The following LARP4B variants were observed in gnomAD, a reference collection of about 807,000 sequenced individuals.
The protein encoded by LARP4B is La ribonucleoprotein 4B, also known as la-related protein 4B.
In LARP4B, 12 loss-of-function variants were observed where a neutral mutation model predicts 89.8. The observed-to-expected ratio is 0.13, with a 90% CI of 0.09 to 0.22. The LOEUF is 0.22. Among genes scored for constraint, LARP4B ranks in the 10% least tolerant of loss-of-function variants. The pLI is 1.00. For missense variants in LARP4B, 757 were observed against 947.7 expected, an observed-to-expected ratio of 0.80 and a Z score of 2.64; for synonymous variants, 367 against 363.3, an observed-to-expected ratio of 1.01 and a Z score of -0.12.
chr10:967,035 A>G, the LARP4B span, among the ~76,000 whole-genome samples: 1 of 152,224 alleles, frequency 6.6e-6, no homozygotes, highest in Non-Finnish European at 1.5e-5. Flanking sequence ...TTGGAAAGCC[A>G]CAAAGATCCT....
At chr10:864,302 C>G (rs1409932582) in intron 3 of LARP4B, 32 bp from the exon 4 acceptor site, 1 of 1,608,700 alleles carries the variant, frequency 6.2e-7, no homozygotes, top group East Asian at 2.2e-5. Context: ...ACATTTGTAT[C>G]CAAATGTCAA....
intron 1 of LARP4B, among the ~76,000 whole-genome samples, chr10:923,223 T>C (rs1171265004): frequency 1.3e-5 from 2 of 152,206 alleles, no homozygotes; most frequent in African/African-American, 2.4e-5. Flanking sequence ...CAAGAGACAA[T>C]GCTTTCATCC....
chr10:866,187 T>C (rs752320866), intron 3 of LARP4B, among the ~76,000 whole-genome samples: 4 of 152,180 alleles, frequency 2.6e-5, no homozygotes, highest in Non-Finnish European at 5.9e-5. Context: ...AATGAGTATC[T>C]ATCTGGAATT....
chr10:967,216 G>A, the LARP4B span, among the ~76,000 whole-genome samples: 1 of 152,220 alleles, frequency 6.6e-6, no homozygotes, highest in Non-Finnish European at 1.5e-5. Flanking sequence ...AGGACAAACG[G>A]AAAGCTATTC....
intron 5 of LARP4B, among the ~76,000 whole-genome samples, chr10:847,269 C>T (rs995014765): frequency 1.3e-5 from 2 of 152,060 alleles, no homozygotes; most frequent in African/African-American, 4.8e-5. Flanking sequence ...AAACACCCGG[C>T]ACTGCAGACA....
chr10:890,382 A>T (rs1188080871), intron 1 of LARP4B, among the ~76,000 whole-genome samples: 1 of 152,236 alleles, frequency 6.6e-6, no homozygotes, highest in Non-Finnish European at 1.5e-5. Flanking sequence ...TGAAATAAAT[A>T]CGGGATGTAT....
At chr10:862,096 T>C (rs1834641900) in intron 5 of LARP4B, among the ~76,000 whole-genome samples, 1 of 152,010 alleles carries the variant, frequency 6.6e-6, no homozygotes, top group East Asian at 1.9e-4. Flanking sequence ...CTTCCTCAGA[T>C]TTAGAAAACT....
At chr10:892,684 C>T (rs886870172) in intron 1 of LARP4B, among the ~76,000 whole-genome samples, 7 of 151,506 alleles carry the variant, frequency 4.6e-5, no homozygotes, top group Admixed American at 2.0e-4. Context: ...GGACTACAGG[C>T]GCCGGCCACC....
chr10:855,355 G>A (rs1834249579), intron 5 of LARP4B, among the ~76,000 whole-genome samples: 1 of 152,090 alleles, frequency 6.6e-6, no homozygotes, highest in East Asian at 1.9e-4. Flanking sequence ...ATCACTTCTA[G>A]TTTTTGATTA....
At chr10:859,879 A>G in intron 5 of LARP4B, among the ~76,000 whole-genome samples, 2 of 146,080 alleles carry the variant, frequency 1.4e-5, no homozygotes, top group African/African-American at 2.6e-5. Context: ...GGGGGGAGGG[A>G]GGGGTGAGTA....
At position 884,494 on chromosome 10, in the gene LARP4B, T is replaced by C; in HGVS notation, c.94A>G (p.Ile32Val). 9 of 1,602,068 alleles carry C rather than the reference T, an allele frequency of 5.6e-6. No homozygotes were observed. The highest frequency in any genetic ancestry group is 7.7e-6 in the Non-Finnish European group (9 of 1,169,274). ...CTTGTCTGAGAAGTGGTTTGAGATATAGGACCATTCATCTGTAAAATTGAA... is the reference window on the plus strand; with the variant it reads ...CTTGTCTGAGAAGTGGTTTGAGATACAGGACCATTCATCTGTAAAATTGAA... ...KDSAHLMNGP[I>V]SQTTSQTSSI... The change falls in exon 3 of 18, where the codon ATA (isoleucine) becomes GTA (valine). Residue 32 changes from isoleucine to valine, a missense_variant. Around this residue, in one of 5 missense-constraint regions of LARP4B, gnomAD observed 175 missense variants for 187.0 expected, o/e 0.94. Transcript: ENST00000316157.
In LARP4B at chr10:829,549, T is replaced by C; in HGVS notation, c.961A>G (p.Lys321Glu). 6.2e-7 allele frequency: 1 copy of C among 1,614,184 alleles called. No individual in the cohort carries two copies. Among genetic ancestry groups the C allele is most frequent in the Non-Finnish European group, 8.5e-7 (1 of 1,180,036 alleles). Residue 321 changes from lysine to glutamate, a missense_variant, in exon 11 of 18, where the codon AAG becomes GAG. Coordinates refer to ENST00000316157, the MANE Select transcript of LARP4B (RefSeq NM_015155.3). ...ACGTCCAGGGGTCTAAATCCATTCT[T>C]TGGCAAAAATGTGTTTATAGCTATT... ...KAIAINTFLP[K>E]NGFRPLDVSL...
the LARP4B span, among the ~76,000 whole-genome samples, chr10:975,730 A>C: frequency 1.3e-5 from 2 of 152,270 alleles, no homozygotes; most frequent in South Asian, 4.1e-4. Flanking sequence ...GCCTAGTAGA[A>C]GGTAGGCCTG....
chr10:919,975 G>GAC (rs764976406), intron 1 of LARP4B, among the ~76,000 whole-genome samples: 9 of 152,150 alleles, frequency 5.9e-5, no homozygotes, highest in Non-Finnish European at 1.0e-4. Flanking sequence ...TATCTAAAAT[G>GAC]ACAAAACACT....
chr10:812,802 T>A lies in LARP4B; in HGVS notation c.*124A>T, dbSNP rs1310914762. The A allele has an allele frequency of 3.5e-6, 3 of 848,310 alleles. No individual in the cohort carries two copies. Among genetic ancestry groups the A allele is most frequent in the Non-Finnish European group, 4.9e-6 (3 of 614,136 alleles). The allele number at this position is 848,310 out of a possible 1,614,324, so 52.5% of individuals were successfully genotyped here. A position where few individuals can be genotyped will look rare whatever the true frequency, so the allele number is the denominator to read the frequency against. The stretch of plus-strand genomic sequence containing the variant: ...TCCAACTCACAGAAGAAAACCAACT[T>A]GAGGATCCCACAGGCCTCAGACACT... On this transcript the variant is annotated 3_prime_UTR_variant, in exon 18 of 18. Transcript: ENST00000316157.
intron 3 of LARP4B, among the ~76,000 whole-genome samples, chr10:882,553 A>G (rs902121552): frequency 1.3e-5 from 2 of 152,106 alleles, no homozygotes; most frequent in Admixed American, 1.3e-4. Flanking sequence ...ACACCTGGCT[A>G]ATTTTTTGTA....
rs56788542 is a variant in LARP4B at position 833,249 on chromosome 10, TAAAAAAAAAAAAAAAAAAA to T, written c.751-2291_751-2273del. 3.1e-4 allele frequency among the ~76,000 whole-genome samples: 16 copies of T among 52,042 alleles called. 1 individual carries two copies. The highest frequency in any genetic ancestry group is 0.029 in the Middle Eastern group (1 of 34). The allele number at this position is 52,042 out of a possible 152,430, so 34.1% of individuals were successfully genotyped here. The stretch of plus-strand genomic sequence containing the variant: ...AACACTAACGATAGCTGATGAGCTT[TAAAAAAAAAAAAAAAAAAA>T]AAAAAAAAAAAAAAAACCTCAAAAT... On this transcript the variant is annotated intron_variant, in intron 8 of 17. Coordinates refer to ENST00000316157, the MANE Select transcript of LARP4B (RefSeq NM_015155.3).
intron 11 of LARP4B, among the ~76,000 whole-genome samples, chr10:828,483 C>G (rs1167785058): frequency 1.3e-5 from 2 of 152,148 alleles, no homozygotes; most frequent in Non-Finnish European, 2.9e-5. Flanking sequence ...CTGCACCTAC[C>G]CTCCTTTTCT....
At chr10:824,318 T>C (rs898131065) in intron 13 of LARP4B, among the ~76,000 whole-genome samples, 1 of 151,898 alleles carries the variant, frequency 6.6e-6, no homozygotes, top group African/African-American at 2.4e-5. Flanking sequence ...CACAGCGAGA[T>C]CCTGTCTCTA....
Sources: allele counts gnomAD v4.1 joint callset (sites outside exome capture counted in the v4.1 genomes callset), GRCh38; gene constraint gnomAD v4.1.1; regional missense constraint gnomAD v4.1.1; transcripts MANE v1.5; gene names NCBI Gene and HGNC (gene_info 2026-07-23, HGNC 2026-07-21).